The following SPSB1 variants were observed in gnomAD, a reference collection of about 807,000 sequenced individuals.
The protein encoded by SPSB1 is splA/ryanodine receptor domain and SOCS box containing 1.
In SPSB1, 8 loss-of-function variants were observed where a neutral mutation model predicts 21.2. The observed-to-expected ratio is 0.38, with a 90% CI of 0.22 to 0.68. The LOEUF is 0.68. Ranked by LOEUF, SPSB1 falls within the 30% of genes least tolerant of loss-of-function variation. SPSB1 has a pLI of 0.53. For missense variants in SPSB1, 242 were observed against 377.8 expected (o/e 0.64, Z 2.98); for synonymous variants, 169 against 161.7 (o/e 1.05, Z -0.34).
chr1:9,349,701 G>C (rs1369215562), intron 1 of SPSB1, among the ~76,000 whole-genome samples: 1 of 152,248 alleles, frequency 6.6e-6, no homozygotes, highest in Admixed American at 6.5e-5. Context: ...AGATGCAGCT[G>C]TCTTCCGTGA....
At chr1:9,296,840 C>T (rs1050416440) in intron 1 of SPSB1, among the ~76,000 whole-genome samples, 3 of 152,238 alleles carry the variant, frequency 2.0e-5, no homozygotes, top group Admixed American at 2.0e-4. Flanking sequence ...AACCCAACAG[C>T]ACATTGGGGG....
intron 1 of SPSB1, among the ~76,000 whole-genome samples, chr1:9,330,473 T>TAGC (rs199938330): frequency 0.57 from 71,237 of 125,646 alleles, 18,038 homozygotes; most frequent in Non-Finnish European, 0.64. Context: ...CTCAAAATAA[T>TAGC]AACAATAATA....
At chr1:9,298,621 CG>C (rs1570166704) in intron 1 of SPSB1, among the ~76,000 whole-genome samples, 1 of 152,094 alleles carries the variant, frequency 6.6e-6, no homozygotes, top group Non-Finnish European at 1.5e-5. Flanking sequence ...TTAGATTGTT[CG>C]GGGATAACTG....
At chr1:9,301,517 T>G (rs11581881) in intron 1 of SPSB1, among the ~76,000 whole-genome samples, 1 of 151,710 alleles carries the variant, frequency 6.6e-6, no homozygotes, top group Non-Finnish European at 1.5e-5. Flanking sequence ...AAAAAAGCAA[T>G]TGGGGGAAGA....
In SPSB1 at chr1:9,367,255, G is replaced by A. The variant is rs1173451750; in HGVS notation, c.695-193G>A. 1.3e-5 allele frequency among the ~76,000 whole-genome samples: 2 copies of A among 152,228 alleles called. No individual in the cohort carries two copies. Among genetic ancestry groups the A allele is most frequent in the African/African-American group, 4.8e-5 (2 of 41,464 alleles). ...GTGTTAGCAGAGGGCTCGCCCAGGTGCCCAGCCCAGGGTGGGCTCCTGGTG... is the reference window on the plus strand; with the variant it reads ...GTGTTAGCAGAGGGCTCGCCCAGGTACCCAGCCCAGGGTGGGCTCCTGGTG... On this transcript the variant is annotated intron_variant, in intron 2 of 2. Coordinates refer to ENST00000328089, the MANE Select transcript of SPSB1 (RefSeq NM_025106.4). This position sits in a 1 kb window ranked among gnomAD's most constrained non-coding sequence, Gnocchi z 5.9.
intron 1 of SPSB1, among the ~76,000 whole-genome samples, chr1:9,312,044 C>T (rs1022947181): frequency 4.6e-5 from 7 of 151,902 alleles, no homozygotes; most frequent in African/African-American, 1.5e-4. Context: ...AGTGCAGTGG[C>T]GTGATCATAG....
At chr1:9,308,326 C>T (rs1262091587) in intron 1 of SPSB1, among the ~76,000 whole-genome samples, 1 of 152,092 alleles carries the variant, frequency 6.6e-6, no homozygotes, top group African/African-American at 2.4e-5. Context: ...ATACCCAGGT[C>T]CTGCATACCC....
chr1:9,293,035 C>G lies in SPSB1; in HGVS notation c.-186C>G. 1.0e-6 allele frequency: 1 copy of G among 981,234 alleles called. No homozygotes were observed. Among genetic ancestry groups the G allele is most frequent in the African/African-American group, 1.8e-5 (1 of 56,782 alleles). The allele number at this position is 981,234 out of a possible 1,614,324, so 60.8% of individuals were successfully genotyped here. On this transcript the variant is annotated 5_prime_UTR_variant, in exon 1 of 3. Transcript: ENST00000328089. This position sits in a 1 kb window ranked among gnomAD's most constrained non-coding sequence, Gnocchi z 5.1. ...GCCCGGGCGCCCGAGCCTCCTCGGC[C>G]TTGGAGAGCAGCGGCGGCGGCGGCA...
At chr1:9,298,164 A>C (rs1475592026) in intron 1 of SPSB1, among the ~76,000 whole-genome samples, 4 of 152,224 alleles carry the variant, frequency 2.6e-5, no homozygotes, top group Admixed American at 6.5e-5. Flanking sequence ...TGTTCCTAGA[A>C]GTGAAATAGA....
intron 1 of SPSB1, among the ~76,000 whole-genome samples, chr1:9,314,535 C>T (rs528244920): frequency 2.1e-4 from 32 of 152,286 alleles, no homozygotes; most frequent in Admixed American, 2.0e-3. Context: ...GGCAGGTTAG[C>T]GAAAGGGAGA....
intron 1 of SPSB1, among the ~76,000 whole-genome samples, chr1:9,326,919 G>A (rs772297436): frequency 2.0e-5 from 3 of 152,156 alleles, no homozygotes; most frequent in East Asian, 3.8e-4. Context: ...AGGTGGAGGC[G>A]GGGACCCTAA....
At chr1:9,320,585 G>A (rs563694972) in intron 1 of SPSB1, among the ~76,000 whole-genome samples, 1 of 152,330 alleles carries the variant, frequency 6.6e-6, no homozygotes, top group African/African-American at 2.4e-5. Flanking sequence ...GAGGAAGCAC[G>A]CAGCCCTCTC....
At position 9,318,258 on chromosome 1, in the gene SPSB1, G is replaced by A. The variant is rs77208948; in HGVS notation, c.-150+25187G>A. 2.0e-4 allele frequency among the ~76,000 whole-genome samples: 31 copies of A among 152,330 alleles called. 1 individual carries two copies. In the East Asian group the frequency reaches 5.8e-3, roughly 28 times the overall value. ...ATGCAGCCGGCAGCAGAACAGTGAC[G>A]GGTCCTCCGCCCGCTTGGGTCTCTG... On this transcript the variant is annotated intron_variant, in intron 1 of 2. Coordinates refer to ENST00000328089, the MANE Select transcript of SPSB1 (RefSeq NM_025106.4).
chr1:9,325,225 ACCC>A lies in SPSB1; in HGVS notation c.-149-30508_-149-30506del, dbSNP rs33978312. Among the ~76,000 whole-genome samples, 62 of 133,788 alleles carry A rather than the reference ACCC, an allele frequency of 4.6e-4. 1 individual carries two copies. In the East Asian group the frequency reaches 0.011, roughly 24 times the overall value. The allele number at this position is 133,788 out of a possible 152,430, so 87.8% of individuals were successfully genotyped here. A position where few individuals can be genotyped will look rare whatever the true frequency, so the allele number is the denominator to read the frequency against. On this transcript the variant is annotated intron_variant, in intron 1 of 2. Coordinates refer to ENST00000328089, the MANE Select transcript of SPSB1 (RefSeq NM_025106.4). ...GCCTGAGCCAATGCCTCCCACCACC[ACCC>A]CCCCCCCCCGCCCCGCCTCCACCGG...
chr1:9,353,859 A>C (rs1380468046), intron 1 of SPSB1, among the ~76,000 whole-genome samples: 1 of 151,718 alleles, frequency 6.6e-6, no homozygotes, highest in Non-Finnish European at 1.5e-5. Context: ...CGGAGGTTGC[A>C]GTGAGACGAG....
rs190273659 is a variant in SPSB1 at position 9,322,960 on chromosome 1, C to T, written c.-150+29889C>T. Among the ~76,000 whole-genome samples, 899 of 151,418 alleles carry T rather than the reference C, an allele frequency of 5.9e-3. 27 individuals are homozygous for T. Among genetic ancestry groups the T allele is most frequent in the Admixed American group, 0.055 (835 of 15,228 alleles). ...CTTGCAAGGAGGTTCCTGAATGGGC[C>T]TTGGAAATAGGTCACTCCCTTCCCG... On this transcript the variant is annotated intron_variant, in intron 1 of 2. Transcript: ENST00000328089.
chr1:9,345,382 C>T lies in SPSB1; in HGVS notation c.-149-10361C>T, dbSNP rs1306106125. The stretch of plus-strand genomic sequence containing the variant: ...GGGGGCGCCCCACCTCCTGTGTGAA[C>T]CAGATGGGCCCAGTGTGTTACCCGC... On this transcript the variant is annotated intron_variant, in intron 1 of 2. Coordinates refer to ENST00000328089, the MANE Select transcript of SPSB1 (RefSeq NM_025106.4). The surrounding 1 kb of genome is among the most constrained non-coding windows in gnomAD (Gnocchi z 4.8). Among the ~76,000 whole-genome samples, 1 of 152,084 alleles carries T rather than the reference C, an allele frequency of 6.6e-6. No homozygotes were observed. Among genetic ancestry groups the T allele is most frequent in the Non-Finnish European group, 1.5e-5 (1 of 68,012 alleles).
intron 1 of SPSB1, among the ~76,000 whole-genome samples, chr1:9,303,703 G>A (rs1439146090): frequency 6.6e-6 from 1 of 152,178 alleles, no homozygotes; most frequent in Non-Finnish European, 1.5e-5. Flanking sequence ...CAGGATAGTA[G>A]TGTCACGATA....
At chr1:9,298,131 TG>T (rs1271873020) in intron 1 of SPSB1, among the ~76,000 whole-genome samples, 2 of 151,962 alleles carry the variant, frequency 1.3e-5, no homozygotes, top group Non-Finnish European at 2.9e-5. Flanking sequence ...TGTGGATCTA[TG>T]GCATTGGATA....
Sources: gnomAD v4.1 joint callset for allele counts (sites outside exome capture counted in the v4.1 genomes callset) on GRCh38, gnomAD v4.1.1 for gene constraint, Gnocchi (gnomAD v3.1) non-coding constraint, MANE v1.5 for transcripts, NCBI Gene and HGNC (gene_info 2026-07-23, HGNC 2026-07-21) for gene names.